Variants in SNX29 observed in about 807,000 individuals in gnomAD.
SNX29 encodes sorting nexin-29.
SNX29 carries 78 observed loss-of-function variants against 102.1 expected under a neutral mutation model. The observed-to-expected ratio is 0.76, with a 90% confidence interval of 0.64 to 0.92. The LOEUF (loss-of-function observed/expected upper bound fraction) is 0.92, where lower values mean the gene tolerates loss of function less well. Ranked by LOEUF, SNX29 falls within the 40% of genes least tolerant of loss-of-function variation. The pLI, the probability that SNX29 is intolerant of heterozygous loss-of-function variation, is 0.00. For synonymous variants in SNX29, 580 were observed against 414.5 expected (o/e 1.40, Z -4.85); for missense variants, 1,280 against 1,061.7 (o/e 1.21, Z -2.86).
intron 11 of SNX29, among the ~76,000 whole-genome samples, chr16:12,093,163 C>G (rs2052629517): frequency 6.6e-6 from 1 of 152,226 alleles, no homozygotes; most frequent in Non-Finnish European, 1.5e-5. Flanking sequence ...TGTATATCAT[C>G]AGAGCCACTA....
At chr16:12,528,353 C>A (rs551016678) in intron 20 of SNX29, among the ~76,000 whole-genome samples, 1 of 152,076 alleles carries the variant, frequency 6.6e-6, no homozygotes, top group African/African-American at 2.4e-5. Flanking sequence ...TGTGTCACCA[C>A]GCTCAGCTAA....
At chr16:12,218,516 G>A (rs1399020628) in intron 14 of SNX29, among the ~76,000 whole-genome samples, 1 of 152,186 alleles carries the variant, frequency 6.6e-6, no homozygotes, top group Non-Finnish European at 1.5e-5. Flanking sequence ...AATAGTTCTT[G>A]CAGAGACCTG....
At chr16:12,139,980 CAAAAA>C (rs59169166) in intron 13 of SNX29, among the ~76,000 whole-genome samples, 5 of 88,548 alleles carry the variant, frequency 5.6e-5, no homozygotes, top group Non-Finnish European at 8.9e-5. Flanking sequence ...TACCCTGTCT[CAAAAA>C]AAAAAAAAAA....
At chr16:12,240,310 G>A (rs750106682) in intron 14 of SNX29, among the ~76,000 whole-genome samples, 3 of 152,178 alleles carry the variant, frequency 2.0e-5, no homozygotes, top group Non-Finnish European at 4.4e-5. Flanking sequence ...ATGTATTGAC[G>A]CCAGCTGTGT....
At chr16:12,220,810 T>C (rs1324991024) in intron 14 of SNX29, among the ~76,000 whole-genome samples, 1 of 152,212 alleles carries the variant, frequency 6.6e-6, no homozygotes, top group East Asian at 1.9e-4. Flanking sequence ...GTTCCTGTGA[T>C]GGGTGTAATT....
At chr16:12,079,507 C>G (rs2151342523) in intron 11 of SNX29, among the ~76,000 whole-genome samples, 1 of 142,648 alleles carries the variant, frequency 7.0e-6, no homozygotes, top group Non-Finnish European at 1.5e-5. Flanking sequence ...GGCACTTGTT[C>G]CCAATTAAAA....
chr16:12,527,245 C>T (rs1032568790), intron 20 of SNX29: 2 of 533,614 alleles, frequency 3.7e-6, no homozygotes, highest in Non-Finnish European at 7.3e-6. Flanking sequence ...CCAAGCCTTA[C>T]CCGTGCTGAC....
intron 16 of SNX29, among the ~76,000 whole-genome samples, chr16:12,392,745 A>C (rs1227529608): frequency 6.6e-6 from 1 of 152,252 alleles, no homozygotes; most frequent in Non-Finnish European, 1.5e-5. Context: ...GCTGTTTTTA[A>C]AAACCACAGA....
At chr16:12,009,352 A>G (rs1156497115) in intron 3 of SNX29, among the ~76,000 whole-genome samples, 1 of 151,916 alleles carries the variant, frequency 6.6e-6, no homozygotes, top group Admixed American at 6.6e-5. Flanking sequence ...ACAAAATCCA[A>G]GGTGGATGTG....
At position 12,178,217 on chromosome 16, in the gene SNX29, A is replaced by G. The variant is rs138165433; in HGVS notation, c.1596-21384A>G. The stretch of plus-strand genomic sequence containing the variant: ...GGCAGGATGAGCATCTCGTGGTTAC[A>G]GGGACCGGGGCATGGGCTGATGGGT... On this transcript the variant is annotated intron_variant, in intron 13 of 20. Coordinates refer to ENST00000566228, the MANE Select transcript of SNX29 (RefSeq NM_032167.5). 2.9e-3 allele frequency among the ~76,000 whole-genome samples: 448 copies of G among 152,272 alleles called. 1 individual carries two copies. The highest frequency in any genetic ancestry group is 0.01 in the African/African-American group (429 of 41,522).
chr16:12,561,803 G>T (rs942670753), intron 20 of SNX29, among the ~76,000 whole-genome samples: 10 of 152,142 alleles, frequency 6.6e-5, no homozygotes, highest in Admixed American at 1.3e-4. Flanking sequence ...CTGGCAGGGG[G>T]CTCATTACCG....
chr16:12,292,849 GT>G (rs372808927), intron 15 of SNX29, among the ~76,000 whole-genome samples: 65 of 152,222 alleles, frequency 4.3e-4, no homozygotes, highest in African/African-American at 1.4e-3. Flanking sequence ...AGTGGCTCTA[GT>G]GTTAGTTAAG....
intron 13 of SNX29, among the ~76,000 whole-genome samples, chr16:12,176,731 T>G (rs1258945159): frequency 6.6e-6 from 1 of 152,178 alleles, no homozygotes; most frequent in Non-Finnish European, 1.5e-5. Context: ...ACCCCATGGA[T>G]ACCAAAGGAT....
chr16:12,464,524 G>C (rs535241149), intron 18 of SNX29, among the ~76,000 whole-genome samples: 1 of 152,138 alleles, frequency 6.6e-6, no homozygotes, highest in African/African-American at 2.4e-5. Flanking sequence ...TGCGATCACA[G>C]CTCACTGCAG....
At chr16:12,521,936 T>C (rs1042699130) in intron 19 of SNX29, among the ~76,000 whole-genome samples, 7 of 152,172 alleles carry the variant, frequency 4.6e-5, no homozygotes, top group African/African-American at 1.7e-4. Context: ...GATGGTGACA[T>C]TGGAGTGGCT....
At chr16:12,185,347 C>G (rs1164463857) in intron 13 of SNX29, among the ~76,000 whole-genome samples, 2 of 152,090 alleles carry the variant, frequency 1.3e-5, no homozygotes, top group African/African-American at 4.8e-5. Flanking sequence ...GTGCCCAGGC[C>G]CCTTGTGGTC....
At chr16:12,486,997 A>T (rs1427768682) in intron 19 of SNX29, among the ~76,000 whole-genome samples, 1 of 152,210 alleles carries the variant, frequency 6.6e-6, no homozygotes, top group African/African-American at 2.4e-5. Flanking sequence ...AAAGAAAAAG[A>T]AAAAGATCCT....
chr16:12,094,729 C>A (rs2052699105), intron 11 of SNX29, among the ~76,000 whole-genome samples: 1 of 152,158 alleles, frequency 6.6e-6, no homozygotes, highest in South Asian at 2.1e-4. Context: ...CTGTGGTGGA[C>A]AGGACAGGTC....
At chr16:12,143,270 T>TA (rs1385994653) in intron 13 of SNX29, among the ~76,000 whole-genome samples, 1 of 152,162 alleles carries the variant, frequency 6.6e-6, no homozygotes, top group Non-Finnish European at 1.5e-5. Flanking sequence ...GTGCTGGGAT[T>TA]ACAGGCATGA....
Sources: gnomAD v4.1 joint callset for allele counts (sites outside exome capture counted in the v4.1 genomes callset) on GRCh38, gnomAD v4.1.1 for gene constraint, MANE v1.5 for transcripts, NCBI Gene and HGNC (gene_info 2026-07-23, HGNC 2026-07-21) for gene names.